HEATR5A: variants seen among roughly 807,000 people sequenced by gnomAD.
The protein encoded by HEATR5A is HEAT repeat containing 5A, also known as HEAT repeat-containing protein 5A.
HEATR5A carries 178 observed loss-of-function variants against 218.8 expected under a neutral mutation model. That is an observed-to-expected ratio of 0.81 (90% CI 0.72 to 0.92). The LOEUF is 0.92. Ranked by LOEUF, HEATR5A falls within the 40% of genes least tolerant of loss-of-function variation. The probability of loss-of-function intolerance (pLI) is 0.00; values close to 1 mark genes in which losing one functional copy is unlikely to be tolerated. For missense variants in HEATR5A, 2,420 were observed against 2,418.9 expected (o/e 1.00, Z -0.01); for synonymous variants, 864 against 871.6 (o/e 0.99, Z 0.15).
At chr14:31,302,696 G>A in intron 32 of HEATR5A, 177 bp from the exon 33 acceptor site, 2 of 562,944 alleles carry the variant, frequency 3.6e-6, no homozygotes, top group South Asian at 4.8e-5. Context: ...TTTATGGATG[G>A]ATTAAATCTT....
chr14:31,391,299 G>A (rs564847814), intron 6 of HEATR5A, among the ~76,000 whole-genome samples: 2 of 152,078 alleles, frequency 1.3e-5, no homozygotes, highest in South Asian at 2.1e-4. Flanking sequence ...ACCACGTCCC[G>A]CTAATTTTTG....
intron 32 of HEATR5A, among the ~76,000 whole-genome samples, chr14:31,303,278 C>A (rs1037262448): frequency 6.6e-6 from 1 of 151,372 alleles, no homozygotes. Flanking sequence ...ACTAAAAATA[C>A]AAAAATTAGC....
Position 31,318,167 on chromosome 14 carries a change from T to C in HEATR5A, c.4038+57A>G. 4 of 1,411,938 alleles carry C rather than the reference T, an allele frequency of 2.8e-6. No homozygotes were observed. In the East Asian group the frequency reaches 9.1e-5, roughly 32 times the overall value. The allele number at this position is 1,411,938 out of a possible 1,614,324, so 87.5% of individuals were successfully genotyped here. ...AGAAAAAACATTGGTAAAAAAATAC[T>C]AACTGGAGGACTGCTTCCCAAGATT... On this transcript the variant is annotated intron_variant, in intron 26 of 35. Transcript: ENST00000543095.
Position 31,326,332 on chromosome 14 carries a change from G to C in HEATR5A, c.3378C>G (p.Ile1126Met), listed in dbSNP as rs1287837936. 1.2e-6 allele frequency: 2 copies of C among 1,609,848 alleles called. No homozygotes were observed. Among genetic ancestry groups the C allele is most frequent in the African/African-American group, 2.7e-5 (2 of 74,682 alleles). The part of the protein sequence containing the change: ...SREELTPDAN[I>M]REVGLEGALL... ...ATGCCCCCTCAAGGCCAACTTCTCT[G>C]ATGTTAGCATCTGACAAGAAGAAAA... The change falls in exon 23 of 36, where the codon ATC (isoleucine) becomes ATG (methionine). Residue 1126 changes from isoleucine (I) to methionine (M), a missense_variant. By Grantham distance (10) the Ile-to-Met change is conservative (BLOSUM62 1). Transcript: ENST00000543095.
At chr14:31,330,484 T>C (rs1900426354) in intron 22 of HEATR5A, among the ~76,000 whole-genome samples, 1 of 152,042 alleles carries the variant, frequency 6.6e-6, no homozygotes, top group Non-Finnish European at 1.5e-5. Flanking sequence ...CTTCATTGTC[T>C]TGGCAAAAAG....
intron 22 of HEATR5A, among the ~76,000 whole-genome samples, chr14:31,331,159 C>T (rs1039427714): frequency 6.6e-6 from 1 of 151,968 alleles, no homozygotes; most frequent in Non-Finnish European, 1.5e-5. Flanking sequence ...AGGCTGGTCT[C>T]AAACTCCTGA....
chr14:31,359,223 T>C (rs1452139072), intron 14 of HEATR5A, among the ~76,000 whole-genome samples, 166 bp from the exon 15 acceptor site: 1 of 151,738 alleles, frequency 6.6e-6, no homozygotes, highest in Non-Finnish European at 1.5e-5. Context: ...AATGACTGGC[T>C]CAACTACGTG....
At chr14:31,387,008 T>C in intron 8 of HEATR5A, 112 bp downstream of exon 8, 1 of 1,037,088 alleles carries the variant, frequency 9.6e-7, no homozygotes, top group Non-Finnish European at 1.4e-6. Flanking sequence ...GAGGAACTTC[T>C]ATCAGCCTTC....
rs112825622 is a variant in HEATR5A, at chr14:31,348,587, A to C, written c.2709-680T>G. On this transcript the variant is annotated intron_variant, in intron 18 of 35. Transcript: ENST00000543095. ...GACAGAGCAAGACGTTGTATCGAAA[A>C]TAAATAAAATTAAATACAAGAGAAG... Among the ~76,000 whole-genome samples the C allele has an allele frequency of 8.2e-3, 1,255 of 152,312 alleles. 15 individuals are homozygous for C. Among genetic ancestry groups the C allele is most frequent in the African/African-American group, 0.029 (1,189 of 41,570 alleles).
intron 4 of HEATR5A, among the ~76,000 whole-genome samples, chr14:31,396,750 G>T (rs924391140): frequency 6.6e-6 from 1 of 152,152 alleles, no homozygotes; most frequent in Non-Finnish European, 1.5e-5. Context: ...GAAATGTTGT[G>T]ATACCTGATC....
At chr14:31,368,644 C>T (rs1165312829) in intron 13 of HEATR5A, among the ~76,000 whole-genome samples, 1 of 152,116 alleles carries the variant, frequency 6.6e-6, no homozygotes, top group African/African-American at 2.4e-5. Flanking sequence ...TCATTCCCGC[C>T]TCAGCCTCCT....
rs1306854884 is a variant in HEATR5A, at chr14:31,296,006, A to C, written c.5522T>G (p.Phe1841Cys). 4 of 1,613,432 alleles carry C rather than the reference A, an allele frequency of 2.5e-6. No homozygotes were observed. The highest frequency in any genetic ancestry group is 3.4e-6 in the Non-Finnish European group (4 of 1,179,464). The change falls in exon 34 of 36, where the codon TTT becomes TGT. Residue 1841 changes from phenylalanine to cysteine, a missense_variant. By Grantham distance (205) the Phe-to-Cys change is radical. Transcript: ENST00000543095. ...TACTTCTGGACTGGTAGACAAAATAAACACTGTGATAGCAGTAAGTAGACT... is the reference window on the plus strand; with the variant it reads ...TACTTCTGGACTGGTAGACAAAATACACACTGTGATAGCAGTAAGTAGACT... ...EVSLLTAITV[F>C]ILSTSPEVTT...
chr14:31,414,860 T>TA (rs201392427), intron 1 of HEATR5A, among the ~76,000 whole-genome samples: 12 of 152,284 alleles, frequency 7.9e-5, no homozygotes, highest in African/African-American at 2.9e-4. Context: ...TGTTTGTTTG[T>TA]GACAGAGTCT....
chr14:31,396,138 C>T (rs887108909), intron 4 of HEATR5A, among the ~76,000 whole-genome samples: 3 of 152,118 alleles, frequency 2.0e-5, no homozygotes, highest in African/African-American at 7.2e-5. Context: ...GGGCCGATTG[C>T]TTGAGCTCAG....
chr14:31,319,624 C>T (rs8014570), intron 25 of HEATR5A, among the ~76,000 whole-genome samples: 4,401 of 152,204 alleles, frequency 0.029, 207 homozygotes, highest in African/African-American at 0.1. Context: ...TGAGAGATCT[C>T]CTTGGATGAA....
At position 31,358,577 on chromosome 14, in the gene HEATR5A, A is replaced by T. The variant is rs913714641; in HGVS notation, c.2411+60T>A. On this transcript the variant is annotated intron_variant, in intron 16 of 35. Transcript: ENST00000543095. Reference sequence around the variant, plus strand: ...ATTTACGCTAATGAGATCTCTGGCAACATTCTTCTTACCCACCAGTTCTCT... The same window carrying T: ...ATTTACGCTAATGAGATCTCTGGCATCATTCTTCTTACCCACCAGTTCTCT... The T allele has an allele frequency of 2.8e-6, 4 of 1,412,156 alleles. No individual in the cohort carries two copies. In the South Asian group the frequency reaches 3.9e-5, roughly 14 times the overall value. 87.5% of individuals were successfully genotyped at this position (1,412,156 alleles called of 1,614,324 possible).
At chr14:31,419,946 A>C (rs2031587647) in intron 1 of HEATR5A, among the ~76,000 whole-genome samples, 1 of 152,370 alleles carries the variant, frequency 6.6e-6, no homozygotes, top group African/African-American at 2.4e-5. Context: ...ACTCTCTTTG[A>C]GGGTTCCTGC....
Position 31,407,580 on chromosome 14 carries a change from TTATTTATATATATA to T in HEATR5A, c.-74-4545_-74-4532del, listed in dbSNP as rs1319814185. Among the ~76,000 whole-genome samples, 71 of 149,278 alleles carry T rather than the reference TTATTTATATATATA, an allele frequency of 4.8e-4. 1 individual carries two copies. The highest frequency in any genetic ancestry group is 1.3e-3 in the African/African-American group (50 of 39,808). ...CATGTACCTGTTATCATCACTTATT[TTATTTATATATATA>T]TATATATATATATATATATATATAT... On this transcript the variant is annotated intron_variant, in intron 1 of 35. Coordinates refer to ENST00000543095, the MANE Select transcript of HEATR5A (RefSeq NM_015473.4).
intron 3 of HEATR5A, 60 bp downstream of exon 3, chr14:31,400,241 C>A: frequency 1.7e-6 from 2 of 1,148,690 alleles, no homozygotes; most frequent in Non-Finnish European, 2.5e-6. Flanking sequence ...ATGGGTACTT[C>A]ATAAAAATAC....
Sources: gnomAD v4.1 joint callset for allele counts (sites outside exome capture counted in the v4.1 genomes callset) on GRCh38, gnomAD v4.1.1 for gene constraint, MANE v1.5 for transcripts, NCBI Gene and HGNC (gene_info 2026-07-23, HGNC 2026-07-21) for gene names.